MGAT4C: variants seen among roughly 807,000 people sequenced by gnomAD.
The protein encoded by MGAT4C is alpha-1,3-mannosyl-glycoprotein 4-beta-N-acetylglucosaminyltransferase C.
A neutral mutation model predicts 40.1 loss-of-function variants in MGAT4C; 19 were observed. The ratio of observed to expected loss-of-function variants is 0.47; its 90% CI spans 0.33 to 0.70. MGAT4C has a LOEUF of 0.70. MGAT4C is among the 30% of genes least tolerant of loss of function. MGAT4C has a pLI of 0.02. For synonymous variants in MGAT4C, 181 were observed against 187.1 expected (o/e 0.97, Z 0.27); for missense variants, 491 against 563.2 (o/e 0.87, Z 1.30).
chr12:86,714,443 G>T (rs1437899236), intron 2 of MGAT4C, among the ~76,000 whole-genome samples: 1 of 152,048 alleles, frequency 6.6e-6, no homozygotes, highest in Non-Finnish European at 1.5e-5. Context: ...TAATTCCCAC[G>T]TGTTGTGGGA....
intron 4 of MGAT4C, among the ~76,000 whole-genome samples, chr12:86,289,543 A>G (rs1464746443): frequency 6.6e-6 from 1 of 152,050 alleles, no homozygotes; most frequent in Non-Finnish European, 1.5e-5. Flanking sequence ...ATGAACATGG[A>G]ATGTGTTTCC....
chr12:86,448,669 C>A (rs1040780581), intron 2 of MGAT4C, among the ~76,000 whole-genome samples: 1 of 151,982 alleles, frequency 6.6e-6, no homozygotes, highest in African/African-American at 2.4e-5. Flanking sequence ...TGAATCTCAG[C>A]AAAAAACTAA....
intron 2 of MGAT4C, among the ~76,000 whole-genome samples, chr12:86,601,696 C>T (rs886738937): frequency 1.3e-5 from 2 of 152,184 alleles, no homozygotes; most frequent in African/African-American, 4.8e-5. Flanking sequence ...GCCTGTACCA[C>T]TATTAACCCT....
intron 1 of MGAT4C, among the ~76,000 whole-genome samples, chr12:86,232,154 A>T (rs1453026822): frequency 1.7e-5 from 1 of 60,494 alleles, no homozygotes; most frequent in South Asian, 6.8e-4. Context: ...AAAAAAAAGG[A>T]GGGGGGCGGG....
At chr12:86,451,775 C>T (rs566354710) in intron 2 of MGAT4C, among the ~76,000 whole-genome samples, 42 of 152,062 alleles carry the variant, frequency 2.8e-4, no homozygotes, top group African/African-American at 1.0e-3. Flanking sequence ...TTTTCAAAGC[C>T]AGTCTTCTTC....
At chr12:86,388,148 A>G (rs1394762785) in intron 3 of MGAT4C, among the ~76,000 whole-genome samples, 3 of 152,146 alleles carry the variant, frequency 2.0e-5, no homozygotes, top group Non-Finnish European at 4.4e-5. Context: ...TAATGATAAT[A>G]TATTATTAAT....
At chr12:86,737,783 C>CT (rs2136126728) in intron 1 of MGAT4C, among the ~76,000 whole-genome samples, 1 of 151,304 alleles carries the variant, frequency 6.6e-6, no homozygotes, top group African/African-American at 2.4e-5. Context: ...TTCCTTTAGT[C>CT]TTTTATTTTT....
chr12:86,436,884 T>A (rs944041669), intron 2 of MGAT4C, among the ~76,000 whole-genome samples: 5 of 151,902 alleles, frequency 3.3e-5, no homozygotes, highest in East Asian at 3.9e-4. Flanking sequence ...TATATGATGT[T>A]ATGTTAAAAA....
chr12:86,774,322 T>TCTTTCTTTCTTTCTTTCTTTC (rs1951704103), intron 1 of MGAT4C, among the ~76,000 whole-genome samples: 6 of 99,414 alleles, frequency 6.0e-5, no homozygotes, highest in Non-Finnish European at 1.0e-4. Context: ...TTTCTTTCTT[T>TCTTTCTTTCTTTCTTTCTTTC]CTTTCTTTCT....
intron 2 of MGAT4C, among the ~76,000 whole-genome samples, chr12:86,619,842 G>C (rs1331519971): frequency 6.6e-5 from 10 of 152,174 alleles, no homozygotes; most frequent in South Asian, 4.1e-4. Context: ...TGATATACTT[G>C]TCTGGTTTTT....
intron 1 of MGAT4C, among the ~76,000 whole-genome samples, chr12:86,092,115 C>A (rs548406451): frequency 4.6e-5 from 7 of 152,014 alleles, no homozygotes. Flanking sequence ...GTCAAGTGAC[C>A]TTTTGTTTTT....
At chr12:86,787,454 TATG>T (rs896421389) in intron 1 of MGAT4C, among the ~76,000 whole-genome samples, 1 of 152,132 alleles carries the variant, frequency 6.6e-6, no homozygotes, top group Non-Finnish European at 1.5e-5. Context: ...ATATTTTTTA[TATG>T]ATAATTCATT....
intron 3 of MGAT4C, among the ~76,000 whole-genome samples, chr12:86,336,035 C>A (rs1057173434): frequency 6.6e-6 from 1 of 152,072 alleles, no homozygotes; most frequent in African/African-American, 2.4e-5. Context: ...TCTTACCAAC[C>A]CTTGCGTCAA....
At chr12:86,330,511 C>T (rs1164863315) in intron 4 of MGAT4C, among the ~76,000 whole-genome samples, 1 of 152,158 alleles carries the variant, frequency 6.6e-6, no homozygotes, top group East Asian at 1.9e-4. Flanking sequence ...CATTTAATAT[C>T]TAATAAGTTT....
rs923968764 is a variant in MGAT4C, at chr12:85,972,713, A to C, written c.*6576T>G. 3.3e-5 allele frequency: 5 copies of C among 151,132 alleles called. No homozygotes were observed. The highest frequency in any genetic ancestry group is 3.4e-3 in the Middle Eastern group (1 of 294). The allele number at this position is 151,132 out of a possible 1,614,324, so 9.4% of individuals were successfully genotyped here. A position where few individuals can be genotyped will look rare whatever the true frequency, so the allele number is the denominator to read the frequency against. ...CATTAAAGGATGGACAATTATGATA[A>C]AGGATCTGAGATAATTGGACAATTA... On this transcript the variant is annotated 3_prime_UTR_variant, in exon 5 of 5. Transcript: ENST00000611864.
intron 2 of MGAT4C, among the ~76,000 whole-genome samples, chr12:86,025,001 C>T (rs1008799837): frequency 6.6e-6 from 1 of 151,304 alleles, no homozygotes; most frequent in African/African-American, 2.4e-5. Context: ...GGCTTAACTT[C>T]GGATGAAACC....
At chr12:86,478,229 G>T (rs1019837197) in intron 2 of MGAT4C, among the ~76,000 whole-genome samples, 3 of 152,146 alleles carry the variant, frequency 2.0e-5, no homozygotes, top group East Asian at 3.9e-4. Context: ...GGATTTGTCA[G>T]TAAGAATTAG....
intron 1 of MGAT4C, among the ~76,000 whole-genome samples, chr12:86,760,014 T>A (rs1951373569): frequency 6.6e-6 from 1 of 152,074 alleles, no homozygotes. Flanking sequence ...ACATCACCTA[T>A]CTTCAAAACA....
chr12:86,194,784 A>C (rs887458964), intron 1 of MGAT4C, among the ~76,000 whole-genome samples: 4 of 152,134 alleles, frequency 2.6e-5, no homozygotes, highest in African/African-American at 9.7e-5. Context: ...AATTTTTATC[A>C]GCCTGTGATA....
Sources: allele counts gnomAD v4.1 joint callset (sites outside exome capture counted in the v4.1 genomes callset), GRCh38; gene constraint gnomAD v4.1.1; transcripts MANE v1.5; gene names NCBI Gene and HGNC (gene_info 2026-07-23, HGNC 2026-07-21).